Variants in TSNARE1 observed in about 807,000 individuals in gnomAD.
TSNARE1 encodes the protein t-SNARE domain containing 1.
A neutral mutation model predicts 62.0 loss-of-function variants in TSNARE1; 49 were observed. That is an observed-to-expected ratio of 0.79 (90% CI 0.63 to 1.00). TSNARE1 has a LOEUF of 1.00. Ranked by LOEUF, TSNARE1 falls within the 50% of genes least tolerant of loss-of-function variation. The probability of loss-of-function intolerance (pLI) is 0.00; values close to 1 mark genes in which losing one functional copy is unlikely to be tolerated. For synonymous variants in TSNARE1, 328 were observed against 294.4 expected (o/e 1.11, Z -1.17); for missense variants, 755 against 700.1 (o/e 1.08, Z -0.88).
intron 11 of TSNARE1, among the ~76,000 whole-genome samples, chr8:142,282,363 G>C (rs565203978): frequency 6.6e-6 from 1 of 152,396 alleles, no homozygotes; most frequent in Admixed American, 6.5e-5. Context: ...GCTAGTATCT[G>C]TCAACGAGCG....
At chr8:142,220,666 G>A (rs892445888) in intron 13 of TSNARE1, among the ~76,000 whole-genome samples, 19 of 152,308 alleles carry the variant, frequency 1.2e-4, no homozygotes, top group South Asian at 8.3e-4. Flanking sequence ...AGTGAAAGGC[G>A]CCACTATGGT....
At chr8:142,383,073 G>T (rs1836882291) in intron 1 of TSNARE1, among the ~76,000 whole-genome samples, 1 of 152,184 alleles carries the variant, frequency 6.6e-6, no homozygotes, top group Admixed American at 6.5e-5. Flanking sequence ...ACAGGACAGG[G>T]AAAGGCTGGC....
At chr8:142,376,692 C>CA (rs1372854252) in intron 1 of TSNARE1, among the ~76,000 whole-genome samples, 1 of 152,202 alleles carries the variant, frequency 6.6e-6, no homozygotes, top group Non-Finnish European at 1.5e-5. Context: ...GAGAAGGTGT[C>CA]AGGCAGAGAG....
intron 11 of TSNARE1, chr8:142,279,969 C>A: frequency 8.9e-7 from 1 of 1,122,944 alleles, no homozygotes; most frequent in Admixed American, 4.9e-5. Flanking sequence ...CGGGGCCGCC[C>A]TCCGCCAGCT....
rs1819194540 is a variant in TSNARE1, at chr8:142,267,448, C to T, written c.1446+7333G>A. ...GCACCTGAAAACTGTCCTCACTCAC[C>T]TGGAATGCAGCACTGCGTAGGGAAA... is the stretch of plus-strand genomic sequence containing the variant. On this transcript the variant is annotated intron_variant, in intron 12 of 13. Coordinates refer to ENST00000524325, the MANE Select transcript of TSNARE1 (RefSeq NM_145003.5). 2.0e-5 allele frequency among the ~76,000 whole-genome samples: 3 copies of T among 152,296 alleles called. No homozygotes were observed. In the South Asian group the frequency reaches 6.2e-4, roughly 32 times the overall value.
At chr8:142,274,740 G>C in intron 12 of TSNARE1, 41 bp downstream of exon 12, 1 of 1,458,514 alleles carries the variant, frequency 6.9e-7, no homozygotes, top group South Asian at 1.4e-5. Flanking sequence ...AGGGGACGGA[G>C]GCCGGGCCGG....
intron 12 of TSNARE1, chr8:142,274,310 G>T: frequency 5.1e-6 from 5 of 985,424 alleles, no homozygotes; most frequent in Non-Finnish European, 6.0e-6. Flanking sequence ...CCAGTGAGTG[G>T]CTAGTCCTCA....
At chr8:142,309,882 C>G (rs1251136111) in intron 9 of TSNARE1, among the ~76,000 whole-genome samples, 1 of 151,908 alleles carries the variant, frequency 6.6e-6, no homozygotes, top group Non-Finnish European at 1.5e-5. Context: ...CTAGAGTTTT[C>G]TTTGTGGGAT....
At chr8:142,363,556 C>T (rs1445435505) in intron 1 of TSNARE1, among the ~76,000 whole-genome samples, 1 of 152,146 alleles carries the variant, frequency 6.6e-6, no homozygotes, top group East Asian at 1.9e-4. Flanking sequence ...TCCACTGGTC[C>T]CTGCAGGAAC....
chr8:142,349,601 G>T (rs570296512), intron 2 of TSNARE1, among the ~76,000 whole-genome samples: 30 of 152,302 alleles, frequency 2.0e-4, no homozygotes, highest in Admixed American at 1.2e-3. Context: ...GGAACTGCCA[G>T]GTCTCTGTCG....
chr8:142,271,682 T>A (rs1819572746), intron 12 of TSNARE1: 2 of 1,376,832 alleles, frequency 1.5e-6, no homozygotes, highest in South Asian at 3.4e-5. Context: ...GGTCTCGTCC[T>A]CCTCATCAGC....
chr8:142,221,095 G>T (rs1394451485), intron 13 of TSNARE1, among the ~76,000 whole-genome samples: 1 of 152,234 alleles, frequency 6.6e-6, no homozygotes, highest in Non-Finnish European at 1.5e-5. Flanking sequence ...ACTCCACCGT[G>T]CCTGGCTTCT....
In TSNARE1 at chr8:142,300,754, T is replaced by C. The variant is rs1825597530; in HGVS notation, c.1132-110A>G. 5 of 1,111,338 alleles carry C rather than the reference T, an allele frequency of 4.5e-6. No homozygotes were observed. In the East Asian group the frequency reaches 1.5e-4, roughly 33 times the overall value. 68.8% of individuals were successfully genotyped at this position (1,111,338 alleles called of 1,614,324 possible). ...TTTTCCCTTCACTATCCCCATCTGC[T>C]CTCTGAGGGGACGATCTGGGTCTGA... On this transcript the variant is annotated intron_variant, in intron 9 of 13. Coordinates refer to ENST00000524325, the MANE Select transcript of TSNARE1 (RefSeq NM_145003.5).
intron 13 of TSNARE1, among the ~76,000 whole-genome samples, chr8:142,229,208 G>C (rs1238912746): frequency 6.6e-6 from 1 of 151,594 alleles, no homozygotes; most frequent in Non-Finnish European, 1.5e-5. Context: ...GTGGATAGAA[G>C]GGTGGATGGT....
chr8:142,404,093 C>G (rs1249866386), upstream of TSNARE1: 1 of 152,100 alleles, frequency 6.6e-6, no homozygotes, highest in Non-Finnish European at 1.5e-5. Flanking sequence ...TCCCGCCGCC[C>G]TCACTCTGTG....
intron 6 of TSNARE1, among the ~76,000 whole-genome samples, chr8:142,329,840 TA>T (rs199786543): frequency 2.6e-5 from 4 of 151,124 alleles, no homozygotes; most frequent in African/African-American, 4.9e-5. Flanking sequence ...TAAAAGAGCT[TA>T]AAAAAAAAGG....
chr8:142,363,031 G>C (rs1835276790), intron 1 of TSNARE1, among the ~76,000 whole-genome samples: 1 of 152,108 alleles, frequency 6.6e-6, no homozygotes, highest in Admixed American at 6.5e-5. Flanking sequence ...AAGGGTTCCT[G>C]ACCCCCCAGA....
At chr8:142,271,516 C>T (rs1586917892) in intron 12 of TSNARE1, 2 of 1,348,472 alleles carry the variant, frequency 1.5e-6, no homozygotes, top group African/African-American at 1.5e-5. Context: ...GCTGGAAGGC[C>T]CCCATGAGTG....
intron 4 of TSNARE1, among the ~76,000 whole-genome samples, chr8:142,333,110 A>G (rs1299857010): frequency 6.6e-6 from 1 of 152,220 alleles, no homozygotes; most frequent in African/African-American, 2.4e-5. Flanking sequence ...GCAGGGCCGG[A>G]GGGACCCTCC....
Sources: gnomAD v4.1 joint callset for allele counts (sites outside exome capture counted in the v4.1 genomes callset) on GRCh38, gnomAD v4.1.1 for gene constraint, MANE v1.5 for transcripts, NCBI Gene and HGNC (gene_info 2026-07-23, HGNC 2026-07-21) for gene names.